PCNX3: variants seen among roughly 807,000 people sequenced by gnomAD.
The protein encoded by PCNX3 is pecanex 3.
PCNX3 carries 58 observed loss-of-function variants against 207.2 expected under a neutral mutation model. That is an observed-to-expected ratio of 0.28 (90% CI 0.23 to 0.35). PCNX3 has a LOEUF of 0.35. PCNX3 is among the 10% of genes least tolerant of loss of function. The pLI, the probability that PCNX3 is intolerant of heterozygous loss-of-function variation, is 1.00. For synonymous variants in PCNX3, 1,337 were observed against 1,183.5 expected, an observed-to-expected ratio of 1.13 and a Z score of -2.66; for missense variants, 2,410 against 2,774.4, an observed-to-expected ratio of 0.87 and a Z score of 2.95.
chr11:65,619,192 C>A, intron 6 of PCNX3, 125 bp downstream of exon 6: 1 of 859,882 alleles, frequency 1.2e-6, no homozygotes, highest in Non-Finnish European at 1.8e-6. Flanking sequence ...AGCAGATGGA[C>A]GTGGGCCTGG....
Position 65,618,510 on chromosome 11 carries a change from C to T in PCNX3, c.1148C>T (p.Pro383Leu), listed in dbSNP as rs778824974. The T allele has an allele frequency of 6.2e-7, 1 of 1,611,238 alleles. No homozygotes were observed. The highest frequency in any genetic ancestry group is 2.2e-5 in the East Asian group (1 of 44,778). The change falls in exon 6 of 35, where the codon CCC becomes CTC. Residue 383 changes from proline (P) to leucine (L), a missense_variant. Physicochemically the swap from Pro to Leu is moderately conservative, Grantham distance 98. This residue lies in a region of PCNX3 where 1,104 missense variants were observed against 970.3 expected (regional missense o/e 1.14). Transcript: ENST00000355703. ...GCTGAGCCGCTCCTGGTCGTGCGGC[C>T]CAAGGACTTGGCCCTGCTACGGCCT... ...GLAEPLLVVR[P>L]KDLALLRPSK... is the part of the protein sequence containing the mutation.
chr11:65,635,398 T>C lies in PCNX3; in HGVS notation c.5134T>C (p.Tyr1712His). The change falls in exon 31 of 35, where the codon TAC (tyrosine) becomes CAC (histidine). Residue 1712 changes from tyrosine (Y) to histidine (H), a missense_variant. Physicochemically the swap from Tyr to His is moderately conservative, Grantham distance 83 (BLOSUM62 2). Around this residue, in one of 8 missense-constraint regions of PCNX3, gnomAD observed 420 missense variants for 705.3 expected, o/e 0.60. Transcript: ENST00000355703. The surrounding 1 kb of genome is among the most constrained non-coding windows in gnomAD (Gnocchi z 9.9). ...TGTCCTGGATGATGCCTCCGACGAGTACAAGATCATCATGCTCAACCGGCG... is the reference window on the plus strand; with the variant it reads ...TGTCCTGGATGATGCCTCCGACGAGCACAAGATCATCATGCTCAACCGGCG... ...RHVLDDASDE[Y>H]KIIMLNRRHL... 6.2e-7 allele frequency: 1 copy of C among 1,612,008 alleles called. No homozygotes were observed. Among genetic ancestry groups the C allele is most frequent in the Non-Finnish European group, 8.5e-7 (1 of 1,179,624 alleles).
In PCNX3 at chr11:65,629,411, C is replaced by A; in HGVS notation, c.3996C>A (p.Asn1332Lys). The change falls in exon 25 of 35, where the codon AAC becomes AAA. Residue 1332 changes from asparagine (N) to lysine (K), a missense_variant. Physicochemically the swap from Asn to Lys is moderately conservative, Grantham distance 94 (BLOSUM62 0). Coordinates refer to ENST00000355703, the MANE Select transcript of PCNX3 (RefSeq NM_032223.4). ...NTRLVTQLDR[N>K]PGADDNNLNS... Reference sequence around the variant, plus strand: ...GCCTGGTCACACAGCTGGACAGGAACCCTGGTGTGTACCCAGCCATCCAAG... The same window carrying A: ...GCCTGGTCACACAGCTGGACAGGAAACCTGGTGTGTACCCAGCCATCCAAG... 6.2e-7 allele frequency: 1 copy of A among 1,612,200 alleles called. No homozygotes were observed. The highest frequency in any genetic ancestry group is 8.5e-7 in the Non-Finnish European group (1 of 1,179,096).
rs570637633 is a variant in PCNX3 at position 65,625,738 on chromosome 11, C to T, written c.3222C>T (p.Ala1074=). The change falls in exon 19 of 35, where the codon GCC becomes GCT. Residue 1074 remains alanine (A), a synonymous_variant. Transcript: ENST00000355703. The surrounding 1 kb of genome is among the most constrained non-coding windows in gnomAD (Gnocchi z 5.6). ...TCAGCGCCAGCACCGTCTTTATTGC[C>T]CTGAAGGTTTGTGTGGCATGGGCCG... is the stretch of plus-strand genomic sequence containing the variant. ...FAISASTVFI[A]LKSVLGFVLY... 43 of 1,609,354 alleles carry T rather than the reference C, an allele frequency of 2.7e-5. No homozygotes were observed. The Middle Eastern group carries it at 4.9e-4, about 19-fold the overall frequency.
rs1195618493 is a variant in PCNX3 at position 65,630,308 on chromosome 11, G to A, written c.4217-43G>A. On this transcript the variant is annotated intron_variant, in intron 26 of 34. Coordinates refer to ENST00000355703, the MANE Select transcript of PCNX3 (RefSeq NM_032223.4). The stretch of plus-strand genomic sequence containing the variant: ...CACTCTCCCAGGACAGGGCAGGTAG[G>A]GATTGTTCTAGCAGCCCCTGACTGC... The A allele has an allele frequency of 1.9e-6, 3 of 1,598,006 alleles. No homozygotes were observed. The Admixed American group carries it at 5.1e-5, about 27-fold the overall frequency.
intron 29 of PCNX3, 22 bp from the exon 30 acceptor site, chr11:65,634,951 C>T: frequency 6.2e-7 from 1 of 1,603,356 alleles, no homozygotes; most frequent in Non-Finnish European, 8.5e-7. Context: ...TCTCTCCCCT[C>T]CCTGTTTTTC....
At position 65,619,060 on chromosome 11, in the gene PCNX3, G is replaced by T. The variant is rs370511637; in HGVS notation, c.1698G>T (p.Val566=). ...GGGAGCTGCAGGAGGAAGGTGCTGT[G>T]GGGGGAGGTGAGTGCTTGCTCTAGA... ...WRGELQEEGA[V]GGAAEETGRR... is the part of the protein sequence containing the mutation. Residue 566 remains valine (V), a synonymous_variant, in exon 6 of 35, where the codon GTG becomes GTT. Transcript: ENST00000355703. The T allele has an allele frequency of 4.4e-6, 7 of 1,588,080 alleles. No homozygotes were observed. Among genetic ancestry groups the T allele is most frequent in the Middle Eastern group, 1.9e-4 (1 of 5,278 alleles).
At chr11:65,620,461 T>C (rs772725333) in intron 9 of PCNX3, 32 bp downstream of exon 9, 9 of 1,603,134 alleles carry the variant, frequency 5.6e-6, no homozygotes, top group Non-Finnish European at 6.8e-6. Flanking sequence ...CCCAAGCCAT[T>C]GTCTTGGTGG....
At chr11:65,622,634 C>T (rs540822944) in intron 11 of PCNX3, among the ~76,000 whole-genome samples, 27 of 152,218 alleles carry the variant, frequency 1.8e-4, no homozygotes, top group Non-Finnish European at 3.1e-4. Context: ...CTCTCTCTGT[C>T]GTCCAGGCTG....
rs376442809 is a variant in PCNX3, at chr11:65,636,159, C to T, written c.5460-15C>T. On this transcript the variant is annotated splice_polypyrimidine_tract_variant and intron_variant, in intron 32 of 34. Transcript: ENST00000355703. The stretch of plus-strand genomic sequence containing the variant: ...CGTGTCCCTCCTGATCCCTTTTCTA[C>T]CTCTCCACCCCCAGGCTTCACAAGG... 5.7e-6 allele frequency: 9 copies of T among 1,592,486 alleles called. No individual in the cohort carries two copies. The highest frequency in any genetic ancestry group is 4.6e-5 in the South Asian group (4 of 87,724).
rs1855786608 is a variant in PCNX3, at chr11:65,635,342, G to A, written c.5078G>A (p.Ser1693Asn). ...CCAGCATGGCGCAGCGCCATCCTCA[G>A]CAACACGCCCTCCCTGCTGGCGCTG... ...GDPAWRSAIL[S>N]NTPSLLALRH... The change falls in exon 31 of 35, where the codon AGC becomes AAC. Residue 1693 changes from serine (S) to asparagine (N), a missense_variant. Physicochemically the swap from Ser to Asn is conservative, Grantham distance 46. Coordinates refer to ENST00000355703, the MANE Select transcript of PCNX3 (RefSeq NM_032223.4). This position sits in a 1 kb window ranked among gnomAD's most constrained non-coding sequence, Gnocchi z 9.9. 2 of 1,609,560 alleles carry A rather than the reference G, an allele frequency of 1.2e-6. No homozygotes were observed. Among genetic ancestry groups the A allele is most frequent in the Non-Finnish European group, 1.7e-6 (2 of 1,178,460 alleles).
In PCNX3 at chr11:65,625,874, A is replaced by G; in HGVS notation, c.3229-30A>G. The stretch of plus-strand genomic sequence containing the variant: ...TGTGGTCCCTTGGCCTGCTCCCATC[A>G]GCTGAGTCTCTGGCCTCTCCCTCCT... On this transcript the variant is annotated intron_variant, in intron 19 of 34. Transcript: ENST00000355703. The surrounding 1 kb of genome is among the most constrained non-coding windows in gnomAD (Gnocchi z 5.6). The G allele has an allele frequency of 6.2e-7, 1 of 1,606,630 alleles. No individual in the cohort carries two copies. Among genetic ancestry groups the G allele is most frequent in the Non-Finnish European group, 8.5e-7 (1 of 1,175,694 alleles).
chr11:65,617,628 C>G lies in PCNX3; in HGVS notation c.499C>G (p.Arg167Gly), dbSNP rs989472796. 5 of 1,608,046 alleles carry G rather than the reference C, an allele frequency of 3.1e-6. No individual in the cohort carries two copies. The highest frequency in any genetic ancestry group is 2.7e-5 in the African/African-American group (2 of 74,844). ...GGTTGCAGACATCAAGGAGCTGGTG[C>G]GGGAGCAGGGCAGCAACAATGTGAT... ...GPLRDIKELVREQGSNNVIVT... is the reference protein window; with the variant it reads ...GPLRDIKELVGEQGSNNVIVT... Residue 167 changes from arginine to glycine, a missense_variant, in exon 5 of 35, where the codon CGG becomes GGG. Around this residue, in one of 8 missense-constraint regions of PCNX3, gnomAD observed 1,104 missense variants for 970.3 expected, o/e 1.14. Transcript: ENST00000355703.
Position 65,617,936 on chromosome 11 carries a change from G to A in PCNX3, c.578-4G>A. On this transcript the variant is annotated splice_polypyrimidine_tract_variant and splice_region_variant and intron_variant, in intron 5 of 34. Transcript: ENST00000355703. ...TCATTTTCTGTTTCCCTTTATTTTG[G>A]CAGTTGGAGACCTTCCCCAGACGCC... The A allele has an allele frequency of 6.4e-7, 1 of 1,568,520 alleles. No homozygotes were observed. The highest frequency in any genetic ancestry group is 8.6e-7 in the Non-Finnish European group (1 of 1,159,844).
intron 20 of PCNX3, 102 bp downstream of exon 20, chr11:65,626,156 C>T (rs1855376908): frequency 1.4e-6 from 2 of 1,454,898 alleles, no homozygotes; most frequent in South Asian, 1.2e-5. Flanking sequence ...CAGCAGGGGG[C>T]ACTCGCTGCC....
Position 65,619,856 on chromosome 11 carries a change from C to G in PCNX3, c.1932C>G (p.Ala644=). 6.2e-7 allele frequency: 1 copy of G among 1,610,294 alleles called. No homozygotes were observed. Among genetic ancestry groups the G allele is most frequent in the East Asian group, 2.2e-5 (1 of 44,862 alleles). ...HFASSLLLTR[A]GANVHEACTF... ...CCTCTTCACTGTTGCTCACCCGGGC[C>G]GGTGCCAATGTGCATGAGGCCTGCA... The change falls in exon 8 of 35, where the codon GCC becomes GCG. Residue 644 remains alanine (A), a synonymous_variant. Coordinates refer to ENST00000355703, the MANE Select transcript of PCNX3 (RefSeq NM_032223.4).
chr11:65,634,482 A>AAGGTCCCTGTCCC, intron 28 of PCNX3, 56 bp from the exon 29 acceptor site: 2 of 1,533,238 alleles, frequency 1.3e-6, no homozygotes, highest in Non-Finnish European at 1.8e-6. Context: ...CCCCCACTCC[A>AAGGTCCCTGTCCC]AGGTCCCTGT....
Position 65,618,893 on chromosome 11 carries a change from G to C in PCNX3, c.1531G>C (p.Gly511Arg), listed in dbSNP as rs777716214. 4 of 1,609,858 alleles carry C rather than the reference G, an allele frequency of 2.5e-6. No individual in the cohort carries two copies. Among genetic ancestry groups the C allele is most frequent in the Non-Finnish European group, 3.4e-6 (4 of 1,178,920 alleles). Residue 511 changes from glycine (G) to arginine (R), a missense_variant, in exon 6 of 35, where the codon GGT becomes CGT. Physicochemically the swap from Gly to Arg is moderately radical, Grantham distance 125. This residue lies in a region of PCNX3 where 1,104 missense variants were observed against 970.3 expected (regional missense o/e 1.14). Coordinates refer to ENST00000355703, the MANE Select transcript of PCNX3 (RefSeq NM_032223.4). ...ARVLSMDGAGGDVLRPPLAGC... is the reference protein window; with the variant it reads ...ARVLSMDGAGRDVLRPPLAGC... ...TGTGCTGAGCATGGATGGGGCTGGG[G>C]GTGATGTTCTGAGGCCCCCACTGGC...
At position 65,625,716 on chromosome 11, in the gene PCNX3, G is replaced by T; in HGVS notation, c.3200G>T (p.Ser1067Ile). The T allele has an allele frequency of 1.2e-6, 2 of 1,611,320 alleles. No individual in the cohort carries two copies. Among genetic ancestry groups the T allele is most frequent in the Admixed American group, 1.7e-5 (1 of 59,992 alleles). ...ATCGCCGTGCTCACCTTCGCCATCAGCGCCAGCACCGTCTTTATTGCCCTG... is the reference window on the plus strand; with the variant it reads ...ATCGCCGTGCTCACCTTCGCCATCATCGCCAGCACCGTCTTTATTGCCCTG... ...VVIAVLTFAI[S>I]ASTVFIALKS... Residue 1067 changes from serine to isoleucine, a missense_variant, in exon 19 of 35, where the codon AGC becomes ATC. By Grantham distance (142) the Ser-to-Ile change is moderately radical. Transcript: ENST00000355703. This position sits in a 1 kb window ranked among gnomAD's most constrained non-coding sequence, Gnocchi z 5.6.
Sources: allele counts gnomAD v4.1 joint callset (sites outside exome capture counted in the v4.1 genomes callset), GRCh38; gene constraint gnomAD v4.1.1; regional missense constraint gnomAD v4.1.1; non-coding constraint Gnocchi (gnomAD v3.1); transcripts MANE v1.5; gene names NCBI Gene and HGNC (gene_info 2026-07-23, HGNC 2026-07-21).